Variants in CLCN4 observed in about 807,000 individuals in gnomAD.
The protein encoded by CLCN4 is H(+)/Cl(-) exchange transporter 4.
A neutral mutation model predicts 41.7 loss-of-function variants in CLCN4; 1 was observed. The observed-to-expected ratio is 0.02, with a 90% CI of 0.01 to 0.11. The LOEUF (loss-of-function observed/expected upper bound fraction) is 0.11. Ranked by LOEUF, CLCN4 falls within the 10% of genes least tolerant of loss-of-function variation. The pLI is 1.00. For missense variants in CLCN4, 287 were observed against 661.0 expected, an observed-to-expected ratio of 0.43 and a Z score of 6.20; for synonymous variants, 277 against 285.8, an observed-to-expected ratio of 0.97 and a Z score of 0.31.
At chrX:10,230,025 T>C (rs1188801386) in intron 12 of CLCN4, among the ~76,000 whole-genome samples, 2 of 112,733 alleles carry the variant, frequency 1.8e-5, no homozygotes, top group African/African-American at 6.4e-5. Flanking sequence ...TGTACTCTTT[T>C]CATACACCTG....
At chrX:10,227,265 C>T (rs1317507224) in intron 12 of CLCN4, among the ~76,000 whole-genome samples, 1 of 111,305 alleles carries the variant, frequency 9.0e-6, no homozygotes, top group Admixed American at 9.6e-5. Flanking sequence ...AATCAATAAA[C>T]GTAATTCATC....
At position 10,212,559 on chromosome X, in the gene CLCN4, C is replaced by T; in HGVS notation, c.1482C>T (p.His494=). The T allele has an allele frequency of 5.0e-6, 6 of 1,211,534 alleles. No individual in the cohort carries two copies. The highest frequency in any genetic ancestry group is 6.7e-6 in the Non-Finnish European group (6 of 895,236). The change falls in exon 10 of 13, where the codon CAC becomes CAT. Residue 494 remains histidine, a synonymous_variant. Coordinates refer to ENST00000380833, the MANE Select transcript of CLCN4 (RefSeq NM_001830.4). Reference sequence around the variant, plus strand: ...GCGTGGAGCAGCTGGCCTACCATCACCATGACTGGATCATCTTCAGGAACT... The same window carrying T: ...GCGTGGAGCAGCTGGCCTACCATCATCATGACTGGATCATCTTCAGGAACT... The part of the protein sequence containing the change: ...GIGVEQLAYH[H]HDWIIFRNWC...
At chrX:10,163,174 T>G (rs1923151530) in intron 2 of CLCN4, among the ~76,000 whole-genome samples, 1 of 112,611 alleles carries the variant, frequency 8.9e-6, no homozygotes, top group South Asian at 3.6e-4. Context: ...CTGCCTCCTC[T>G]CCACCTGTCA....
chrX:10,202,884 G>C (rs1924278767), intron 6 of CLCN4, among the ~76,000 whole-genome samples: 1 of 111,361 alleles, frequency 9.0e-6, no homozygotes, highest in Non-Finnish European at 1.9e-5. Flanking sequence ...ATCGGAAAGA[G>C]TTCTGGTTTT....
intron 2 of CLCN4, among the ~76,000 whole-genome samples, chrX:10,165,982 G>A (rs1473165197): frequency 1.8e-5 from 2 of 112,132 alleles, no homozygotes; most frequent in Non-Finnish European, 3.8e-5. Context: ...CCAGTCACGA[G>A]TGGCTCCTGA....
chrX:10,215,788 G>A lies in CLCN4; in HGVS notation c.1975+1709G>A, dbSNP rs556000316. ...AGCAGTAATTGTCATCAACCAGTTA[G>A]AGAAGAAATTTAAGCTTACCAACCA... On this transcript the variant is annotated intron_variant, in intron 11 of 12. Coordinates refer to ENST00000380833, the MANE Select transcript of CLCN4 (RefSeq NM_001830.4). Among the ~76,000 whole-genome samples, 6 of 112,195 alleles carry A rather than the reference G, an allele frequency of 5.3e-5. No individual in the cohort carries two copies. The South Asian group carries it at 2.2e-3, about 41-fold the overall frequency.
intron 12 of CLCN4, among the ~76,000 whole-genome samples, chrX:10,224,331 TGTATGTGA>T (rs1924935351): frequency 9.6e-6 from 1 of 104,409 alleles, no homozygotes; most frequent in East Asian, 2.9e-4. Flanking sequence ...TGTGTGTGTG[TGTATGTGA>T]GTGTGTGTGT....
At chrX:10,195,575 G>A (rs889139025) in intron 5 of CLCN4, among the ~76,000 whole-genome samples, 8 of 111,865 alleles carry the variant, frequency 7.2e-5, no homozygotes, top group African/African-American at 2.0e-4. Flanking sequence ...TTTTGCAGCC[G>A]TTACCACAAT....
At chrX:10,220,118 A>G (rs1924820934) in intron 11 of CLCN4, among the ~76,000 whole-genome samples, 2 of 111,799 alleles carry the variant, frequency 1.8e-5, no homozygotes, top group African/African-American at 6.5e-5. Flanking sequence ...TTTGGACCCA[A>G]GGGTCGCGTT....
intron 4 of CLCN4, among the ~76,000 whole-genome samples, chrX:10,192,280 A>G (rs1341130088): frequency 9.4e-6 from 1 of 106,761 alleles, no homozygotes; most frequent in Non-Finnish European, 1.9e-5. Flanking sequence ...CACGGAGAAA[A>G]AGAGAAAGAG....
At chrX:10,228,960 C>T (rs753197635) in intron 12 of CLCN4, among the ~76,000 whole-genome samples, 26 of 112,031 alleles carry the variant, frequency 2.3e-4, no homozygotes, top group Non-Finnish European at 3.9e-4. Flanking sequence ...GGGGATGCTG[C>T]TGCATCTAGT....
chrX:10,179,174 T>C (rs1340234541), intron 2 of CLCN4, among the ~76,000 whole-genome samples: 1 of 112,228 alleles, frequency 8.9e-6, no homozygotes. Flanking sequence ...GCCCTAAACA[T>C]TATCTGTGGC....
rs1477197160 is a variant in CLCN4 at position 10,220,750 on chromosome X, C to T, written c.2065C>T (p.His689Tyr). 1.7e-6 allele frequency: 2 copies of T among 1,209,940 alleles called. No homozygotes were observed. The highest frequency in any genetic ancestry group is 2.2e-5 in the Admixed American group (1 of 45,793). ...CCCCGAGCTGCCGGCCAACAGCCCA[C>T]ATCCCCTGAAGCTGCGGCGCATCCT... ...EPPELPANSP[H>Y]PLKLRRILNL... The change falls in exon 12 of 13, where the codon CAT becomes TAT. Residue 689 changes from histidine (H) to tyrosine (Y), a missense_variant. Physicochemically the swap from His to Tyr is moderately conservative, Grantham distance 83. Around this residue, in one of 6 missense-constraint regions of CLCN4, gnomAD observed 71 missense variants for 104.5 expected, o/e 0.68. Coordinates refer to ENST00000380833, the MANE Select transcript of CLCN4 (RefSeq NM_001830.4).
At chrX:10,212,386 G>T (rs941154701) in intron 9 of CLCN4, 81 bp from the exon 10 acceptor site, 11 of 975,373 alleles carry the variant, frequency 1.1e-5, no homozygotes, top group African/African-American at 1.9e-5. Flanking sequence ...AGCCCGTCGA[G>T]GGGGAATGTG....
rs1925188768 is a variant in CLCN4 at position 10,234,018 on chromosome X, T to C, written c.*434T>C. 1 of 115,032 alleles carries C rather than the reference T, an allele frequency of 8.7e-6. No individual in the cohort carries two copies. Among genetic ancestry groups the C allele is most frequent in the African/African-American group, 3.2e-5 (1 of 30,949 alleles). 9.5% of individuals were successfully genotyped at this position (115,032 alleles called of 1,213,427 possible). A position where few individuals can be genotyped will look rare whatever the true frequency, so the allele number is the denominator to read the frequency against. ...GCATGTCAGCGTCCTTATTTATTGGTTCTTGAAGTTTTGCTGCTATGTTAC... is the reference window on the plus strand; with the variant it reads ...GCATGTCAGCGTCCTTATTTATTGGCTCTTGAAGTTTTGCTGCTATGTTAC... On this transcript the variant is annotated 3_prime_UTR_variant, in exon 13 of 13. Transcript: ENST00000380833.
intron 4 of CLCN4, among the ~76,000 whole-genome samples, chrX:10,192,036 A>T (rs930179465): frequency 9.1e-6 from 1 of 110,247 alleles, no homozygotes; most frequent in African/African-American, 3.3e-5. Context: ...TGATTTTTTC[A>T]TTCATTTATT....
chrX:10,226,801 G>T (rs1244850148), intron 12 of CLCN4, among the ~76,000 whole-genome samples: 1 of 111,021 alleles, frequency 9.0e-6, no homozygotes, highest in Non-Finnish European at 1.9e-5. Context: ...AAATCTAGAA[G>T]AAATAGATAA....
chrX:10,189,303 G>A (rs1269146272), intron 4 of CLCN4, among the ~76,000 whole-genome samples: 1 of 112,137 alleles, frequency 8.9e-6, no homozygotes, highest in Non-Finnish European at 1.9e-5. Flanking sequence ...GAGCCCAACT[G>A]GGCTGACTTT....
At chrX:10,200,591 C>T (rs1290608411) in intron 6 of CLCN4, among the ~76,000 whole-genome samples, 2 of 112,445 alleles carry the variant, frequency 1.8e-5, no homozygotes, top group African/African-American at 6.5e-5. Flanking sequence ...TCAGTTCTAT[C>T]TTTGAAGGGC....
Sources: allele counts gnomAD v4.1 joint callset (sites outside exome capture counted in the v4.1 genomes callset), GRCh38; gene constraint gnomAD v4.1.1; regional missense constraint gnomAD v4.1.1; transcripts MANE v1.5; gene names NCBI Gene and HGNC (gene_info 2026-07-23, HGNC 2026-07-21).